Variants in MAP3K2 observed in about 807,000 individuals in gnomAD.
The protein encoded by MAP3K2 is mitogen-activated protein kinase kinase kinase 2, also known as MAP/ERK kinase kinase 2.
A neutral mutation model predicts 80.3 loss-of-function variants in MAP3K2; 24 were observed. That is an observed-to-expected ratio of 0.30 (90% CI 0.22 to 0.42). The LOEUF is 0.42. MAP3K2 is among the 10% of genes least tolerant of loss of function. The pLI, the probability that MAP3K2 is intolerant of heterozygous loss-of-function variation, is 1.00. For synonymous variants in MAP3K2, 244 were observed against 253.7 expected (o/e 0.96, Z 0.36); for missense variants, 608 against 750.1 (o/e 0.81, Z 2.21).
intron 10 of MAP3K2, 22 bp from the exon 11 acceptor site, chr2:127,324,016 T>C (rs372415639): frequency 1.6e-5 from 19 of 1,189,216 alleles, no homozygotes; most frequent in Non-Finnish European, 2.1e-5. Flanking sequence ...TATAAGATGG[T>C]TATCTTTTAT....
At position 127,305,512 on chromosome 2, in the gene MAP3K2, T is replaced by C. The variant is rs1423438999; in HGVS notation, c.*2067A>G. 1 of 152,038 alleles carries C rather than the reference T, an allele frequency of 6.6e-6. No individual in the cohort carries two copies. Among genetic ancestry groups the C allele is most frequent in the East Asian group, 1.9e-4 (1 of 5,198 alleles). 9.4% of individuals were successfully genotyped at this position (152,038 alleles called of 1,614,324 possible). On this transcript the variant is annotated 3_prime_UTR_variant, in exon 17 of 17. Transcript: ENST00000682094. ...CCTACAGGGAATGCTAGGTAGGACCTTGGCACAGTAAACCAAGATCTACCT... is the reference window on the plus strand; with the variant it reads ...CCTACAGGGAATGCTAGGTAGGACCCTGGCACAGTAAACCAAGATCTACCT...
In MAP3K2 at chr2:127,366,964, G is replaced by A. The variant is rs562656480; in HGVS notation, c.-66+20488C>T. Among the ~76,000 whole-genome samples the A allele has an allele frequency of 6.4e-4, 85 of 132,292 alleles. No homozygotes were observed. The Middle Eastern group carries it at 0.016, about 26-fold the overall frequency. 86.8% of individuals were successfully genotyped at this position (132,292 alleles called of 152,430 possible). On this transcript the variant is annotated intron_variant, in intron 1 of 16. Coordinates refer to ENST00000682094, the MANE Select transcript of MAP3K2 (RefSeq NM_001371910.2). ...CAGCTCACTGCAACCTCCACCTCCC[G>A]GATTCAAGCCAATCTCCCGCCTCAG...
rs1685671138 is a variant in MAP3K2 at position 127,305,123 on chromosome 2, TTTC to T, written c.*2453_*2455del. 1 of 152,430 alleles carries T rather than the reference TTTC, an allele frequency of 6.6e-6. No individual in the cohort carries two copies. Among genetic ancestry groups the T allele is most frequent in the Non-Finnish European group, 1.5e-5 (1 of 67,966 alleles). 9.4% of individuals were successfully genotyped at this position (152,430 alleles called of 1,614,324 possible). On this transcript the variant is annotated 3_prime_UTR_variant, in exon 17 of 17. Transcript: ENST00000682094. ...CTCTGGGTTCTACAGTCTCACCAGA[TTTC>T]TCTCTAAAGAGCATTTGTCTCATAT...
chr2:127,365,169 T>TGG (rs886926153), intron 1 of MAP3K2, among the ~76,000 whole-genome samples: 4 of 133,374 alleles, frequency 3.0e-5, no homozygotes, highest in Non-Finnish European at 6.3e-5. Flanking sequence ...CTATTTATAA[T>TGG]GGCTTGCACT....
rs545112685 is a variant in MAP3K2, at chr2:127,366,097, C to T, written c.-66+21355G>A. Among the ~76,000 whole-genome samples, 11 of 152,246 alleles carry T rather than the reference C, an allele frequency of 7.2e-5. No individual in the cohort carries two copies. In the South Asian group the frequency reaches 2.3e-3, roughly 32 times the overall value. On this transcript the variant is annotated intron_variant, in intron 1 of 16. Coordinates refer to ENST00000682094, the MANE Select transcript of MAP3K2 (RefSeq NM_001371910.2). Reference sequence around the variant, plus strand: ...GTTCTGCACTGTCCTCCTTTGCTTCCAAGGAACAAGTAACCCTCATTCCAA... The same window carrying T: ...GTTCTGCACTGTCCTCCTTTGCTTCTAAGGAACAAGTAACCCTCATTCCAA...
intron 5 of MAP3K2, among the ~76,000 whole-genome samples, chr2:127,335,076 G>A (rs1170756955): frequency 1.3e-5 from 2 of 151,982 alleles, no homozygotes; most frequent in African/African-American, 4.8e-5. Flanking sequence ...CCTACTTTAT[G>A]CATTTCTTTC....
intron 8 of MAP3K2, among the ~76,000 whole-genome samples, chr2:127,326,253 G>C (rs1686136304): frequency 9.1e-6 from 1 of 109,932 alleles, no homozygotes; most frequent in Non-Finnish European, 2.0e-5. Flanking sequence ...ATAATGCGAT[G>C]CAATGCAATG....
intron 1 of MAP3K2, among the ~76,000 whole-genome samples, chr2:127,373,414 AC>A (rs1023804146): frequency 1.3e-5 from 2 of 152,242 alleles, no homozygotes; most frequent in Admixed American, 1.3e-4. Context: ...GATACTAGCA[AC>A]TTACACACCT....
At chr2:127,320,118 T>TA (rs1174340025) in intron 12 of MAP3K2, among the ~76,000 whole-genome samples, 1 of 152,090 alleles carries the variant, frequency 6.6e-6, no homozygotes, top group Non-Finnish European at 1.5e-5. Flanking sequence ...TGTAAAATGA[T>TA]AAGACACAAA....
intron 14 of MAP3K2, chr2:127,316,951 C>A (rs1052467662): frequency 6.6e-6 from 1 of 151,636 alleles, no homozygotes; most frequent in Non-Finnish European, 1.5e-5. Context: ...AAGGATGACA[C>A]GCAAATTTGT....
chr2:127,388,225 C>G (rs1027971030), upstream of MAP3K2: 9 of 863,240 alleles, frequency 1.0e-5, no homozygotes, highest in African/African-American at 1.8e-4. Context: ...CTGTGCTGTT[C>G]CGTGTGCGCG....
intron 1 of MAP3K2, among the ~76,000 whole-genome samples, chr2:127,346,212 A>C (rs1317814231): frequency 6.6e-6 from 1 of 151,872 alleles, no homozygotes; most frequent in Non-Finnish European, 1.5e-5. Context: ...GTACATCAAC[A>C]AATTAGATGA....
At chr2:127,342,190 T>G (rs1235711780) in intron 2 of MAP3K2, among the ~76,000 whole-genome samples, 1 of 152,168 alleles carries the variant, frequency 6.6e-6, no homozygotes, top group Non-Finnish European at 1.5e-5. Flanking sequence ...AATTTGGAGC[T>G]GAAAGTAAGG....
At chr2:127,312,469 T>C (rs368846058) in intron 15 of MAP3K2, among the ~76,000 whole-genome samples, 38 of 152,288 alleles carry the variant, frequency 2.5e-4, no homozygotes, top group Non-Finnish European at 4.7e-4. Flanking sequence ...ATATAGGAGC[T>C]TGGCAACATA....
intron 7 of MAP3K2, among the ~76,000 whole-genome samples, chr2:127,329,032 C>G (rs946581000): frequency 6.6e-5 from 10 of 152,102 alleles, no homozygotes; most frequent in Non-Finnish European, 1.5e-5. Context: ...ATGTTTTATA[C>G]AAATTGAAGA....
chr2:127,308,543 G>A, intron 16 of MAP3K2, 42 bp downstream of exon 16: 1 of 1,502,598 alleles, frequency 6.7e-7, no homozygotes, highest in Non-Finnish European at 9.0e-7. Context: ...GAAATACATA[G>A]GCGGCAGGTG....
chr2:127,308,566 A>T lies in MAP3K2; in HGVS notation c.1634+19T>A, dbSNP rs1288479755. 6.5e-7 allele frequency: 1 copy of T among 1,529,618 alleles called. No individual in the cohort carries two copies. Among genetic ancestry groups the T allele is most frequent in the Admixed American group, 1.9e-5 (1 of 51,844 alleles). 94.8% of individuals were successfully genotyped at this position (1,529,618 alleles called of 1,614,324 possible). On this transcript the variant is annotated intron_variant, in intron 16 of 16. Coordinates refer to ENST00000682094, the MANE Select transcript of MAP3K2 (RefSeq NM_001371910.2). ...TAGGCGGCAGGTGGTTTTCAAGCAAACTTCGTATCAAAACCTACCAGATGT... is the reference window on the plus strand; with the variant it reads ...TAGGCGGCAGGTGGTTTTCAAGCAATCTTCGTATCAAAACCTACCAGATGT...
intron 1 of MAP3K2, among the ~76,000 whole-genome samples, chr2:127,380,899 C>T (rs1186534728): frequency 6.6e-6 from 1 of 152,152 alleles, no homozygotes; most frequent in African/African-American, 2.4e-5. Flanking sequence ...ATTTGATTTA[C>T]TTATAACTGG....
At chr2:127,350,392 A>AGGG (rs1008108996) in intron 1 of MAP3K2, among the ~76,000 whole-genome samples, 43 of 147,516 alleles carry the variant, frequency 2.9e-4, no homozygotes, top group African/African-American at 1.1e-3. Context: ...ACTTCAGCCC[A>AGGG]GGGGTTTGTA....
Sources: allele counts gnomAD v4.1 joint callset (sites outside exome capture counted in the v4.1 genomes callset), GRCh38; gene constraint gnomAD v4.1.1; transcripts MANE v1.5; gene names NCBI Gene and HGNC (gene_info 2026-07-23, HGNC 2026-07-21).